The following FERMT3 variants were observed in gnomAD, a reference collection of about 807,000 sequenced individuals.
FERMT3 encodes fermitin family homolog 3.
FERMT3 carries 33 observed loss-of-function variants against 80.8 expected under a neutral mutation model. That is an observed-to-expected ratio of 0.41 (90% CI 0.31 to 0.55). The LOEUF (loss-of-function observed/expected upper bound fraction) is 0.55. Among genes scored for constraint, FERMT3 ranks in the 20% least tolerant of loss-of-function variants. The pLI is 0.31. For missense variants in FERMT3, 754 were observed against 908.7 expected (o/e 0.83, Z 2.19); for synonymous variants, 375 against 372.2 (o/e 1.01, Z -0.09).
intron 1 of FERMT3, 45 bp from the exon 2 acceptor site, chr11:64,207,306 C>G: frequency 6.2e-7 from 1 of 1,612,534 alleles, no homozygotes. Flanking sequence ...AACCCGGAGG[C>G]CTACCAGGGC....
At position 64,223,687 on chromosome 11, in the gene FERMT3, G is replaced by T. The variant is rs1946779807; in HGVS notation, c.*195G>T. On this transcript the variant is annotated 3_prime_UTR_variant, in exon 15 of 15. Coordinates refer to ENST00000345728, the MANE Select transcript of FERMT3 (RefSeq NM_031471.6). ...GTACCATCACCCAGGCCAGGGATGG[G>T]GGTGGGGGTCCCTGAGCTCATGTGG... 7.5e-6 allele frequency: 6 copies of T among 799,960 alleles called. No individual in the cohort carries two copies. The South Asian group carries it at 8.6e-5, about 11-fold the overall frequency. 49.6% of individuals were successfully genotyped at this position (799,960 alleles called of 1,614,324 possible).
chr11:64,210,981 C>T lies in FERMT3; in HGVS notation c.395-71C>T, dbSNP rs1946422623. 6.8e-6 allele frequency: 11 copies of T among 1,608,048 alleles called. No homozygotes were observed. Among genetic ancestry groups the T allele is most frequent in the Middle Eastern group, 1.7e-4 (1 of 5,924 alleles). On this transcript the variant is annotated intron_variant, in intron 3 of 14. Coordinates refer to ENST00000345728, the MANE Select transcript of FERMT3 (RefSeq NM_031471.6). This position sits in a 1 kb window ranked among gnomAD's most constrained non-coding sequence, Gnocchi z 4.3. ...CTGCCTGCAGGGCTGTGACCCGCCC[C>T]AAGCACCCATGGGTGAGGTGGGGAG...
chr11:64,207,521 A>C lies in FERMT3; in HGVS notation c.157A>C (p.Ile53Leu). The C allele has an allele frequency of 6.2e-7, 1 of 1,604,114 alleles. No homozygotes were observed. Residue 53 changes from isoleucine to leucine, a missense_variant, in exon 2 of 15, where the codon ATC becomes CTC. Coordinates refer to ENST00000345728, the MANE Select transcript of FERMT3 (RefSeq NM_031471.6). ...GGVLLKIVEQINRKQDWSDHA... is the reference protein window; with the variant it reads ...GGVLLKIVEQLNRKQDWSDHA... Reference sequence around the variant, plus strand: ...GGTGCTCCTGAAGATTGTGGAGCAGATCAGTGAGTGTCCGCTGCCCGCTTG... The same window carrying C: ...GGTGCTCCTGAAGATTGTGGAGCAGCTCAGTGAGTGTCCGCTGCCCGCTTG...
chr11:64,206,575 C>T (rs1396271081), upstream of FERMT3: 2 of 152,490 alleles, frequency 1.3e-5, no homozygotes, highest in African/African-American at 4.8e-5. Context: ...TCCCTAGCTT[C>T]CTGTGCTCTC....
intron 13 of FERMT3, among the ~76,000 whole-genome samples, chr11:64,222,300 C>A (rs978692725): frequency 6.6e-6 from 1 of 150,758 alleles, no homozygotes; most frequent in African/African-American, 2.4e-5. Context: ...TGCGCGATGG[C>A]TCATGCCTGT....
At chr11:64,220,100 C>T in intron 10 of FERMT3, 85 bp downstream of exon 10, 1 of 1,586,268 alleles carries the variant, frequency 6.3e-7, no homozygotes, top group Non-Finnish European at 8.6e-7. Context: ...CCTGTTTCCT[C>T]CTGGAGACCG....
intron 6 of FERMT3, among the ~76,000 whole-genome samples, chr11:64,214,315 G>A (rs191466231): frequency 6.6e-6 from 1 of 151,180 alleles, no homozygotes; most frequent in East Asian, 1.9e-4. Context: ...CTGCAGGCAC[G>A]CGCCACCATG....
At position 64,220,484 on chromosome 11, in the gene FERMT3, G is replaced by A. The variant is rs745914766; in HGVS notation, c.1360G>A (p.Gly454Ser). 6.2e-7 allele frequency: 1 copy of A among 1,609,776 alleles called. No individual in the cohort carries two copies. Among genetic ancestry groups the A allele is most frequent in the Non-Finnish European group, 8.5e-7 (1 of 1,178,610 alleles). The change falls in exon 12 of 15, where the codon GGC (glycine) becomes AGC (serine). Residue 454 changes from glycine to serine, a missense_variant. Coordinates refer to ENST00000345728, the MANE Select transcript of FERMT3 (RefSeq NM_031471.6). ...WMAGCRLASK[G>S]RTMADSSYTS... is the part of the protein sequence containing the mutation. Reference sequence around the variant, plus strand: ...GGCTGGCTGCCGCCTGGCCTCCAAAGGCCGCACCATGGCCGACAGCAGCTA... The same window carrying A: ...GGCTGGCTGCCGCCTGGCCTCCAAAAGCCGCACCATGGCCGACAGCAGCTA...
intron 6 of FERMT3, among the ~76,000 whole-genome samples, chr11:64,216,432 C>T (rs1946551507): frequency 6.7e-6 from 1 of 149,988 alleles, no homozygotes; most frequent in East Asian, 2.1e-4. Flanking sequence ...AACTCCTGAC[C>T]TCGTGATCTG....
chr11:64,220,950 G>T, intron 12 of FERMT3, 66 bp from the exon 13 acceptor site: 1 of 1,585,402 alleles, frequency 6.3e-7, no homozygotes, highest in African/African-American at 1.3e-5. Context: ...ATGGGGAGGT[G>T]GGGGCTCGGT....
intron 6 of FERMT3, among the ~76,000 whole-genome samples, chr11:64,215,464 C>T (rs545825099): frequency 9.0e-4 from 133 of 148,304 alleles, no homozygotes; most frequent in South Asian, 5.3e-3. Flanking sequence ...CAGATAAATA[C>T]ATTGTGAATA....
rs538028680 is a variant in FERMT3, at chr11:64,219,004, T to C, written c.787-247T>C. Among the ~76,000 whole-genome samples the C allele has an allele frequency of 6.6e-6, 1 of 152,220 alleles. No individual in the cohort carries two copies. The highest frequency in any genetic ancestry group is 1.5e-5 in the Non-Finnish European group (1 of 68,040). On this transcript the variant is annotated intron_variant, in intron 6 of 14. Transcript: ENST00000345728. The surrounding 1 kb of genome is among the most constrained non-coding windows in gnomAD (Gnocchi z 4.0). ...GGTCTCTCCTGCACCCAGGGCAGCA[T>C]GCCAGCACACAGTAAACATCAGCAC...
chr11:64,219,878 G>C lies in FERMT3; in HGVS notation c.1080-13G>C. The stretch of plus-strand genomic sequence containing the variant: ...GTGAGGCGGCCTTTCACAAACCCCA[G>C]CATCCCACGAAGGCCCCGGAAGCTG... On this transcript the variant is annotated splice_polypyrimidine_tract_variant and intron_variant, in intron 9 of 14. Coordinates refer to ENST00000345728, the MANE Select transcript of FERMT3 (RefSeq NM_031471.6). This position sits in a 1 kb window ranked among gnomAD's most constrained non-coding sequence, Gnocchi z 4.0. 1 of 1,613,890 alleles carries C rather than the reference G, an allele frequency of 6.2e-7. No individual in the cohort carries two copies. Among genetic ancestry groups the C allele is most frequent in the East Asian group, 2.2e-5 (1 of 44,876 alleles).
chr11:64,217,752 T>C (rs1279714596), intron 6 of FERMT3, among the ~76,000 whole-genome samples: 1 of 152,092 alleles, frequency 6.6e-6, no homozygotes. Context: ...TCCAGAGTCC[T>C]CTCTTCAGCT....
At chr11:64,209,227 G>A (rs882146) in intron 2 of FERMT3, among the ~76,000 whole-genome samples, 24,850 of 152,160 alleles carry the variant, frequency 0.16, 2,278 homozygotes, top group Admixed American at 0.28. Flanking sequence ...TCCAAAAGCC[G>A]AGACCAGGAG....
At position 64,223,826 on chromosome 11, in the gene FERMT3, C is replaced by T. The variant is rs756096328; in HGVS notation, c.*334C>T. 4.0e-5 allele frequency: 52 copies of T among 1,286,142 alleles called. No individual in the cohort carries two copies. Among genetic ancestry groups the T allele is most frequent in the Middle Eastern group, 2.7e-4 (1 of 3,768 alleles). The allele number at this position is 1,286,142 out of a possible 1,614,324, so 79.7% of individuals were successfully genotyped here. ...CAGGATGATGAAACATGGTTTCAAA[C>T]GAGTTCTTTCTTGTTACTTTTTAAA... On this transcript the variant is annotated 3_prime_UTR_variant, in exon 15 of 15. Coordinates refer to ENST00000345728, the MANE Select transcript of FERMT3 (RefSeq NM_031471.6).
intron 2 of FERMT3, among the ~76,000 whole-genome samples, chr11:64,208,307 GAGC>G (rs962700448): frequency 2.0e-5 from 3 of 152,198 alleles, no homozygotes; most frequent in African/African-American, 7.2e-5. Context: ...GCAGGGCCCG[GAGC>G]AGCTGTGAGA....
intron 2 of FERMT3, among the ~76,000 whole-genome samples, chr11:64,208,129 C>A (rs547518182): frequency 1.3e-5 from 2 of 148,836 alleles, no homozygotes; most frequent in South Asian, 4.3e-4. Flanking sequence ...GGCCAAGAGC[C>A]TGGGCCTGGG....
rs758458290 is a variant in FERMT3, at chr11:64,221,012, G to A, written c.1546-4G>A. On this transcript the variant is annotated splice_polypyrimidine_tract_variant and splice_region_variant and intron_variant, in intron 12 of 14. Transcript: ENST00000345728. ...GGCAGCCCGTCACCAGTATGGTCCC[G>A]CAGCTCACCCCACGGATCCTGGAAG... 19 of 1,611,562 alleles carry A rather than the reference G, an allele frequency of 1.2e-5. No individual in the cohort carries two copies. In the South Asian group the frequency reaches 1.2e-4, roughly 10 times the overall value.
Sources: allele counts gnomAD v4.1 joint callset (sites outside exome capture counted in the v4.1 genomes callset), GRCh38; gene constraint gnomAD v4.1.1; non-coding constraint Gnocchi (gnomAD v3.1); transcripts MANE v1.5; gene names NCBI Gene and HGNC (gene_info 2026-07-23, HGNC 2026-07-21).